The following RNF213 variants were observed in gnomAD, a reference collection of about 807,000 sequenced individuals.
RNF213 encodes the protein E3 ubiquitin-protein ligase RNF213.
A neutral mutation model predicts 514.4 loss-of-function variants in RNF213; 341 were observed. The ratio of observed to expected loss-of-function variants is 0.66; its 90% CI spans 0.61 to 0.73. RNF213 has a LOEUF of 0.73. Ranked by LOEUF, RNF213 falls within the 30% of genes least tolerant of loss-of-function variation. The pLI, the probability that RNF213 is intolerant of heterozygous loss-of-function variation, is 0.00. For synonymous variants in RNF213, 2,655 were observed against 2,658.2 expected, an observed-to-expected ratio of 1.00 and a Z score of 0.04; for missense variants, 5,767 against 6,615.6, an observed-to-expected ratio of 0.87 and a Z score of 4.45.
chr17:80,330,604 C>G lies in RNF213; in HGVS notation c.3518-1402C>G, dbSNP rs1599036729. Reference sequence around the variant, plus strand: ...TGTTTCACACCCCATCCTCCTTCCCCCTGAGATTGGATAATTCATGTCTTC... The same window carrying G: ...TGTTTCACACCCCATCCTCCTTCCCGCTGAGATTGGATAATTCATGTCTTC... On this transcript the variant is annotated intron_variant, in intron 20 of 67. Coordinates refer to ENST00000582970, the MANE Select transcript of RNF213 (RefSeq NM_001256071.3). 2.0e-5 allele frequency among the ~76,000 whole-genome samples: 3 copies of G among 152,354 alleles called. No homozygotes were observed. The East Asian group carries it at 5.8e-4, about 29-fold the overall frequency.
chr17:80,275,065 TGGG>T (rs559655297), intron 3 of RNF213, among the ~76,000 whole-genome samples: 7 of 56,842 alleles, frequency 1.2e-4, no homozygotes, highest in South Asian at 6.0e-4. Flanking sequence ...GTGTGTGAGT[TGGG>T]GGTGTGTGAG....
chr17:80,390,159 CA>C lies in RNF213; in HGVS notation c.15436del (p.Thr5146ProfsTer13), dbSNP rs1568175641. 2 of 1,614,162 alleles carry C rather than the reference CA, an allele frequency of 1.2e-6. No individual in the cohort carries two copies. Among genetic ancestry groups the C allele is most frequent in the Non-Finnish European group, 1.7e-6 (2 of 1,180,028 alleles). On this transcript the variant is annotated frameshift_variant, in exon 67 of 68. Coordinates refer to ENST00000582970, the MANE Select transcript of RNF213 (RefSeq NM_001256071.3). LOFTEE classifies it low-confidence loss of function (END_TRUNC). ...EMIILKLKNP[Q>X]TQTEERFRPQ... is the part of the protein sequence containing the mutation. The stretch of plus-strand genomic sequence containing the variant: ...GATAATCTTGAAACTAAAGAACCCC[CA>C]AACCCAAACCGAGGAGCGCTTCCGC...
intron 36 of RNF213, among the ~76,000 whole-genome samples, chr17:80,356,389 G>C (rs577718546): frequency 2.6e-5 from 4 of 152,226 alleles, no homozygotes; most frequent in Non-Finnish European, 5.9e-5. Flanking sequence ...CCACTCTGCT[G>C]TTCACGCAGC....
intron 9 of RNF213, 68 bp from the exon 10 acceptor site, chr17:80,295,489 G>A (rs2044902066): frequency 6.2e-7 from 1 of 1,601,666 alleles, no homozygotes; most frequent in Non-Finnish European, 8.5e-7. Context: ...TGGTGCTGGG[G>A]CAGCTCTGGA....
Position 80,317,417 on chromosome 17 carries a change from T to C in RNF213, c.2901+140T>C. ...TGAATCACAGCTCCGTGTTTCTGTT[T>C]CTGATCCAGCCCTTATAGTCTGTCC... On this transcript the variant is annotated intron_variant, in intron 16 of 67. Coordinates refer to ENST00000582970, the MANE Select transcript of RNF213 (RefSeq NM_001256071.3). This position sits in a 1 kb window ranked among gnomAD's most constrained non-coding sequence, Gnocchi z 4.1. The C allele has an allele frequency of 1.3e-6, 1 of 788,294 alleles. No homozygotes were observed. The allele number at this position is 788,294 out of a possible 1,614,324, so 48.8% of individuals were successfully genotyped here.
intron 7 of RNF213, 70 bp downstream of exon 7, chr17:80,290,798 GT>G: frequency 6.5e-7 from 1 of 1,542,304 alleles, no homozygotes; most frequent in Non-Finnish European, 8.9e-7. Context: ...GTGACACGTA[GT>G]TTAAAAAAAT....
In RNF213 at chr17:80,360,186, A is replaced by G. The variant is rs767951058; in HGVS notation, c.11180A>G (p.Gln3727Arg). The G allele has an allele frequency of 1.2e-6, 2 of 1,613,704 alleles. No homozygotes were observed. The highest frequency in any genetic ancestry group is 3.3e-5 in the Admixed American group (2 of 59,938). ...CTGGAGGAGCTGTGGGTCCAGGCTCAGTACATCACAGACGCAGAAGGTGAG... is the reference window on the plus strand; with the variant it reads ...CTGGAGGAGCTGTGGGTCCAGGCTCGGTACATCACAGACGCAGAAGGTGAG... Reference protein sequence around the residue: ...DYLEELWVQAQYITDAEGLPK... With the variant: ...DYLEELWVQARYITDAEGLPK... Residue 3727 changes from glutamine (Q) to arginine (R), a missense_variant, in exon 38 of 68, where the codon CAG (glutamine) becomes CGG (arginine). Gln to Arg is a conservative substitution (Grantham distance 43, BLOSUM62 1). Coordinates refer to ENST00000582970, the MANE Select transcript of RNF213 (RefSeq NM_001256071.3).
intron 3 of RNF213, among the ~76,000 whole-genome samples, chr17:80,273,966 C>T (rs2043923834): frequency 6.6e-6 from 1 of 152,150 alleles, no homozygotes; most frequent in Non-Finnish European, 1.5e-5. Context: ...GTGTGTCTCC[C>T]AGAAGCTGTG....
In RNF213 at chr17:80,372,429, C is replaced by T. The variant is rs190989652; in HGVS notation, c.12538-92C>T. Reference sequence around the variant, plus strand: ...CTACAGTAACATTCTTCTATCCTTCCTTCTCCACAGTCACATTGGCGACTG... The same window carrying T: ...CTACAGTAACATTCTTCTATCCTTCTTTCTCCACAGTCACATTGGCGACTG... On this transcript the variant is annotated intron_variant, in intron 47 of 67. Coordinates refer to ENST00000582970, the MANE Select transcript of RNF213 (RefSeq NM_001256071.3). The T allele has an allele frequency of 2.3e-3, 2,063 of 893,516 alleles. 7 individuals carry two copies. The highest frequency in any genetic ancestry group is 3.0e-3 in the South Asian group (210 of 69,762). 55.3% of individuals were successfully genotyped at this position (893,516 alleles called of 1,614,324 possible).
chr17:80,273,441 C>T (rs777004523), intron 3 of RNF213, 37 bp downstream of exon 3: 12 of 1,608,914 alleles, frequency 7.5e-6, no homozygotes, highest in Non-Finnish European at 1.0e-5. Flanking sequence ...CGCCCCCGCT[C>T]ACTCTGCCCA....
intron 39 of RNF213, among the ~76,000 whole-genome samples, chr17:80,362,754 C>T (rs568045709): frequency 2.6e-5 from 4 of 152,172 alleles, no homozygotes; most frequent in South Asian, 2.1e-4. Flanking sequence ...AGCTTTGCTT[C>T]GAAAAATAAG....
At chr17:80,371,142 A>C (rs1306461351) in intron 46 of RNF213, among the ~76,000 whole-genome samples, 1 of 152,250 alleles carries the variant, frequency 6.6e-6, no homozygotes, top group South Asian at 2.1e-4. Context: ...AAAAAAATCT[A>C]TTTAAAGTAT....
At chr17:80,386,646 G>A (rs757772582) in intron 62 of RNF213, 44 bp from the exon 63 acceptor site, 24 of 1,598,662 alleles carry the variant, frequency 1.5e-5, no homozygotes, top group South Asian at 2.2e-5. Flanking sequence ...CCCTAGGCCC[G>A]CATGCCTGGC....
At chr17:80,290,289 G>T (rs1007680342) in intron 6 of RNF213, among the ~76,000 whole-genome samples, 7 of 152,214 alleles carry the variant, frequency 4.6e-5, no homozygotes, top group African/African-American at 1.7e-4. Context: ...CCATGTGCCT[G>T]TGTGTGTGCA....
In RNF213 at chr17:80,317,113, T is replaced by C. The variant is rs2045973591; in HGVS notation, c.2812-75T>C. On this transcript the variant is annotated intron_variant, in intron 15 of 67. Transcript: ENST00000582970. This position sits in a 1 kb window ranked among gnomAD's most constrained non-coding sequence, Gnocchi z 4.1. ...CTCTCTGTATTGCCGTAATGCTCTGTCTTTCTCCTTTCATGGGAGTGTGCC... is the reference window on the plus strand; with the variant it reads ...CTCTCTGTATTGCCGTAATGCTCTGCCTTTCTCCTTTCATGGGAGTGTGCC... 2 of 1,485,716 alleles carry C rather than the reference T, an allele frequency of 1.3e-6. No individual in the cohort carries two copies. Among genetic ancestry groups the C allele is most frequent in the Admixed American group, 1.9e-5 (1 of 52,074 alleles). 92.0% of individuals were successfully genotyped at this position (1,485,716 alleles called of 1,614,324 possible). A position where few individuals can be genotyped will look rare whatever the true frequency, so the allele number is the denominator to read the frequency against.
At chr17:80,378,267 C>T (rs564134338) in intron 54 of RNF213, among the ~76,000 whole-genome samples, 1 of 152,270 alleles carries the variant, frequency 6.6e-6, no homozygotes, top group South Asian at 2.1e-4. Flanking sequence ...CATTATTAGC[C>T]CTCAGAGGAG....
intron 10 of RNF213, among the ~76,000 whole-genome samples, chr17:80,298,086 C>T (rs185174542): frequency 6.6e-6 from 1 of 152,192 alleles, no homozygotes; most frequent in African/African-American, 2.4e-5. Flanking sequence ...GAGATCCCTC[C>T]CCTGTCCTGG....
At chr17:80,373,783 G>C (rs911904676) in intron 49 of RNF213, among the ~76,000 whole-genome samples, 16 of 152,182 alleles carry the variant, frequency 1.1e-4, no homozygotes, top group African/African-American at 3.9e-4. Context: ...GATCACTTGT[G>C]GTCAGGAGTT....
At chr17:80,326,786 C>T (rs2046292947) in intron 18 of RNF213, among the ~76,000 whole-genome samples, 2 of 152,284 alleles carry the variant, frequency 1.3e-5, no homozygotes, top group Middle Eastern at 3.4e-3. Flanking sequence ...TGCTACCATT[C>T]GCTTACCCGT....
Sources: allele counts gnomAD v4.1 joint callset (sites outside exome capture counted in the v4.1 genomes callset), GRCh38; gene constraint gnomAD v4.1.1; non-coding constraint Gnocchi (gnomAD v3.1); transcripts MANE v1.5; gene names NCBI Gene and HGNC (gene_info 2026-07-23, HGNC 2026-07-21).